ZNF354C: variants seen among roughly 807,000 people sequenced by gnomAD.
ZNF354C encodes zinc finger protein 354C.
Under a neutral mutation model 12.4 loss-of-function variants are expected in ZNF354C, and 7 were observed. The ratio of observed to expected loss-of-function variants is 0.56; its 90% CI spans 0.32 to 1.06. The LOEUF is 1.06. Among genes scored for constraint, ZNF354C ranks in the 50% least tolerant of loss-of-function variants. The probability of loss-of-function intolerance (pLI) is 0.04; values close to 1 mark genes in which losing one functional copy is unlikely to be tolerated. For missense variants in ZNF354C, 609 were observed against 658.0 expected (o/e 0.93, Z 0.81); for synonymous variants, 202 against 224.5 (o/e 0.90, Z 0.90).
At chr5:179,076,065 C>G (rs967042804) in intron 2 of ZNF354C, among the ~76,000 whole-genome samples, 3 of 152,146 alleles carry the variant, frequency 2.0e-5, no homozygotes, top group Non-Finnish European at 4.4e-5. Flanking sequence ...CCCTTTTCAC[C>G]GTCTAGTGGT....
At chr5:179,074,275 C>T (rs1313590879) in intron 2 of ZNF354C, among the ~76,000 whole-genome samples, 2 of 148,406 alleles carry the variant, frequency 1.3e-5, no homozygotes, top group Non-Finnish European at 3.0e-5. Context: ...GCCACCGCGC[C>T]TGGCTAATTT....
chr5:179,079,600 G>A lies in ZNF354C; in HGVS notation c.1168G>A (p.Gly390Arg). The change falls in exon 5 of 5, where the codon GGG becomes AGG. Residue 390 changes from glycine to arginine, a missense_variant. Transcript: ENST00000315475. This position sits in a 1 kb window ranked among gnomAD's most constrained non-coding sequence, Gnocchi z 4.2. Reference sequence around the variant, plus strand: ...ACAACTGTATACATGCTTGGAATGTGGGAGAACCTTCACACGTATTGTAAC... The same window carrying A: ...ACAACTGTATACATGCTTGGAATGTAGGAGAACCTTCACACGTATTGTAAC... ...GEQLYTCLEC[G>R]RTFTRIVTLI... is the part of the protein sequence containing the mutation. 2 of 1,614,128 alleles carry A rather than the reference G, an allele frequency of 1.2e-6. No individual in the cohort carries two copies. The highest frequency in any genetic ancestry group is 2.2e-5 in the South Asian group (2 of 91,080).
rs1304068983 is a variant in ZNF354C, at chr5:179,081,857, C to T, written c.*1760C>T. The T allele has an allele frequency of 6.6e-6, 1 of 152,034 alleles. No homozygotes were observed. The highest frequency in any genetic ancestry group is 2.4e-5 in the African/African-American group (1 of 41,396). 9.4% of individuals were successfully genotyped at this position (152,034 alleles called of 1,614,324 possible). A position where few individuals can be genotyped will look rare whatever the true frequency, so the allele number is the denominator to read the frequency against. On this transcript the variant is annotated 3_prime_UTR_variant, in exon 5 of 5. Transcript: ENST00000315475. Reference sequence around the variant, plus strand: ...TAAAAAGCAAGATAGTATTTGAAGACTAATGGGGTAATGTCAGAAGGGAAC... The same window carrying T: ...TAAAAAGCAAGATAGTATTTGAAGATTAATGGGGTAATGTCAGAAGGGAAC...
chr5:179,066,262 G>C (rs941521276), intron 2 of ZNF354C, among the ~76,000 whole-genome samples: 13 of 152,302 alleles, frequency 8.5e-5, no homozygotes, highest in African/African-American at 2.6e-4. Context: ...ACTGCACCAT[G>C]GGTAGTGGAG....
At position 179,078,918 on chromosome 5, in the gene ZNF354C, T is replaced by A; in HGVS notation, c.486T>A (p.Ser162Arg). 6.2e-7 allele frequency: 1 copy of A among 1,614,040 alleles called. No individual in the cohort carries two copies. Among genetic ancestry groups the A allele is most frequent in the Non-Finnish European group, 8.5e-7 (1 of 1,179,988 alleles). ...TCAGTGAAGATGGAAACCATACAAGTCTTGAATTGGGGAAAAGCTTATTTA... is the reference window on the plus strand; with the variant it reads ...TCAGTGAAGATGGAAACCATACAAGACTTGAATTGGGGAAAAGCTTATTTA... ...KTISEDGNHT[S>R]LELGKSLFTN... The change falls in exon 5 of 5, where the codon AGT (serine) becomes AGA (arginine). Residue 162 changes from serine (S) to arginine (R), a missense_variant. Transcript: ENST00000315475.
At position 179,081,119 on chromosome 5, in the gene ZNF354C, A is replaced by G. The variant is rs866519040; in HGVS notation, c.*1022A>G. ...ACTATTTGTTTTGTAGCCTGGTTAG[A>G]CATAGTTGCAGTAATTTAAAGTTAC... On this transcript the variant is annotated 3_prime_UTR_variant, in exon 5 of 5. Coordinates refer to ENST00000315475, the MANE Select transcript of ZNF354C (RefSeq NM_014594.3). 6.6e-6 allele frequency: 1 copy of G among 152,182 alleles called. No individual in the cohort carries two copies. The highest frequency in any genetic ancestry group is 1.5e-5 in the Non-Finnish European group (1 of 68,032). 9.4% of individuals were successfully genotyped at this position (152,182 alleles called of 1,614,324 possible). A position where few individuals can be genotyped will look rare whatever the true frequency, so the allele number is the denominator to read the frequency against.
At chr5:179,074,459 C>T (rs1253842075) in intron 2 of ZNF354C, among the ~76,000 whole-genome samples, 1 of 152,090 alleles carries the variant, frequency 6.6e-6, no homozygotes, top group East Asian at 1.9e-4. Context: ...CTCAATGCCA[C>T]TGGCTACTCC....
At position 179,082,623 on chromosome 5, in the gene ZNF354C, T is replaced by C. The variant is rs1762244637; in HGVS notation, c.*2526T>C. ...GAGATATTCAGAAACCTTCACCAGA[T>C]TCCTCCCAACTTGATCATAGTGGAT... On this transcript the variant is annotated 3_prime_UTR_variant, in exon 5 of 5. Transcript: ENST00000315475. 10 of 1,359,814 alleles carry C rather than the reference T, an allele frequency of 7.4e-6. No individual in the cohort carries two copies. The South Asian group carries it at 1.2e-4, about 16-fold the overall frequency. 84.2% of individuals were successfully genotyped at this position (1,359,814 alleles called of 1,614,324 possible). A position where few individuals can be genotyped will look rare whatever the true frequency, so the allele number is the denominator to read the frequency against.
intron 2 of ZNF354C, among the ~76,000 whole-genome samples, chr5:179,071,344 T>C (rs1762048664): frequency 6.6e-6 from 1 of 151,484 alleles, no homozygotes; most frequent in African/African-American, 2.4e-5. Context: ...CATTTCTTAA[T>C]ATTTAATGAC....
intron 2 of ZNF354C, among the ~76,000 whole-genome samples, chr5:179,066,650 C>T (rs1761961368): frequency 1.3e-5 from 2 of 152,138 alleles, no homozygotes; most frequent in African/African-American, 4.8e-5. Context: ...TTTTTTCCCT[C>T]AACAATTTAA....
At position 179,079,235 on chromosome 5, in the gene ZNF354C, G is replaced by T. The variant is rs1039540359; in HGVS notation, c.803G>T (p.Gly268Val). The T allele has an allele frequency of 1.2e-6, 2 of 1,613,974 alleles. No homozygotes were observed. Among genetic ancestry groups the T allele is most frequent in the African/African-American group, 2.7e-5 (2 of 74,906 alleles). The change falls in exon 5 of 5, where the codon GGA becomes GTA. Residue 268 changes from glycine (G) to valine (V), a missense_variant. Coordinates refer to ENST00000315475, the MANE Select transcript of ZNF354C (RefSeq NM_014594.3). This position sits in a 1 kb window ranked among gnomAD's most constrained non-coding sequence, Gnocchi z 4.2. Reference sequence around the variant, plus strand: ...CTTTCTCATCAGAGAATTCATACTGGAGAGAAACCTTACAAGTGTAATGAA... The same window carrying T: ...CTTTCTCATCAGAGAATTCATACTGTAGAGAAACCTTACAAGTGTAATGAA... Reference protein sequence around the residue: ...SLLSHQRIHTGEKPYKCNECE... With the variant: ...SLLSHQRIHTVEKPYKCNECE...
chr5:179,082,167 T>G lies in ZNF354C; in HGVS notation c.*2070T>G, dbSNP rs1248022261. The G allele has an allele frequency of 6.6e-6, 1 of 152,606 alleles. No homozygotes were observed. The highest frequency in any genetic ancestry group is 2.1e-4 in the South Asian group (1 of 4,840). 9.5% of individuals were successfully genotyped at this position (152,606 alleles called of 1,614,324 possible). A position where few individuals can be genotyped will look rare whatever the true frequency, so the allele number is the denominator to read the frequency against. ...ATTTTAAGGAACTTTGTTTACAAGG[T>G]GTCAGAACATCACAGATATCTATTG... On this transcript the variant is annotated 3_prime_UTR_variant, in exon 5 of 5. Coordinates refer to ENST00000315475, the MANE Select transcript of ZNF354C (RefSeq NM_014594.3).
rs1280731910 is a variant in ZNF354C at position 179,078,993 on chromosome 5, C to T, written c.561C>T (p.Pro187=). The T allele has an allele frequency of 6.2e-7, 1 of 1,613,356 alleles. No homozygotes were observed. Among genetic ancestry groups the T allele is most frequent in the Non-Finnish European group, 8.5e-7 (1 of 1,179,852 alleles). ...AGAGTGTTCCTATAGAAAGGATACC[C>T]AATATGTATTATACATTTGGGAAAG... is the stretch of plus-strand genomic sequence containing the variant. The part of the protein sequence containing the change: ...TQQSVPIERI[P]NMYYTFGKDF... Residue 187 remains proline (P), a synonymous_variant, in exon 5 of 5, where the codon CCC becomes CCT. Coordinates refer to ENST00000315475, the MANE Select transcript of ZNF354C (RefSeq NM_014594.3).
At chr5:179,068,353 T>G (rs1015316007) in intron 2 of ZNF354C, among the ~76,000 whole-genome samples, 1 of 152,202 alleles carries the variant, frequency 6.6e-6, no homozygotes, top group Non-Finnish European at 1.5e-5. Flanking sequence ...TTTGCATCCT[T>G]TCTATTTTTT....
Position 179,074,917 on chromosome 5 carries a change from G to A in ZNF354C, c.28-1528G>A, listed in dbSNP as rs983231040. ...CCAAAAATGTACATTATAATTATTC[G>A]AGTAACCACTAAAAATACAAAGAGG... is the stretch of plus-strand genomic sequence containing the variant. On this transcript the variant is annotated intron_variant, in intron 2 of 4. Coordinates refer to ENST00000315475, the MANE Select transcript of ZNF354C (RefSeq NM_014594.3). Among the ~76,000 whole-genome samples, 3 of 151,970 alleles carry A rather than the reference G, an allele frequency of 2.0e-5. No homozygotes were observed. In the East Asian group the frequency reaches 5.8e-4, roughly 29 times the overall value.
Position 179,079,905 on chromosome 5 carries a change from T to C in ZNF354C, c.1473T>C (p.Thr491=), listed in dbSNP as rs143941247. Residue 491 remains threonine, a synonymous_variant, in exon 5 of 5, where the codon ACT becomes ACC. Coordinates refer to ENST00000315475, the MANE Select transcript of ZNF354C (RefSeq NM_014594.3). This position sits in a 1 kb window ranked among gnomAD's most constrained non-coding sequence, Gnocchi z 4.2. ...SFLTEHERIH[T]GEKLYKCMEC... is the part of the protein sequence containing the mutation. ...TAACCGAACATGAGAGGATCCACAC[T>C]GGAGAGAAACTGTATAAATGTATGG... 1.1e-5 allele frequency: 17 copies of C among 1,613,798 alleles called. No homozygotes were observed. The highest frequency in any genetic ancestry group is 3.3e-4 in the Middle Eastern group (2 of 6,084).
intron 2 of ZNF354C, among the ~76,000 whole-genome samples, chr5:179,063,246 C>A (rs537798250): frequency 6.6e-6 from 1 of 152,136 alleles, no homozygotes. Flanking sequence ...ACATACATGA[C>A]TGAGTTGCTA....
chr5:179,079,958 C>A lies in ZNF354C; in HGVS notation c.1526C>A (p.Ser509Ter), dbSNP rs758977262. ...MECGKAYSYR[S>*]NLCRHKKVHT... ...TGTGGGAAAGCCTACAGTTACAGAT[C>A]AAACCTTTGTAGACACAAAAAAGTT... Residue 509 changes from serine to a stop codon, truncating the protein, a stop_gained, in exon 5 of 5, where the codon TCA (serine) becomes TAA (stop). Coordinates refer to ENST00000315475, the MANE Select transcript of ZNF354C (RefSeq NM_014594.3). LOFTEE classifies it low-confidence loss of function (END_TRUNC). This position sits in a 1 kb window ranked among gnomAD's most constrained non-coding sequence, Gnocchi z 4.2. 1.2e-6 allele frequency: 2 copies of A among 1,614,038 alleles called. No homozygotes were observed. The highest frequency in any genetic ancestry group is 1.7e-5 in the Admixed American group (1 of 60,016).
In ZNF354C at chr5:179,082,879, T is replaced by C. The variant is rs1762248188; in HGVS notation, c.*2782T>C. ...CAGACTCGCCAAACATTCCAGGCAC[T>C]GCACTTGCCAGTGCGCTGATGAAGA... On this transcript the variant is annotated 3_prime_UTR_variant, in exon 5 of 5. Coordinates refer to ENST00000315475, the MANE Select transcript of ZNF354C (RefSeq NM_014594.3). The C allele has an allele frequency of 1.7e-5, 18 of 1,074,256 alleles. No individual in the cohort carries two copies. The highest frequency in any genetic ancestry group is 2.3e-5 in the Non-Finnish European group (16 of 690,400). The allele number at this position is 1,074,256 out of a possible 1,614,324, so 66.5% of individuals were successfully genotyped here. A position where few individuals can be genotyped will look rare whatever the true frequency, so the allele number is the denominator to read the frequency against.
Sources: gnomAD v4.1 joint callset for allele counts (sites outside exome capture counted in the v4.1 genomes callset) on GRCh38, gnomAD v4.1.1 for gene constraint, Gnocchi (gnomAD v3.1) non-coding constraint, MANE v1.5 for transcripts, NCBI Gene and HGNC (gene_info 2026-07-23, HGNC 2026-07-21) for gene names.